PPP2R5E: variants seen among roughly 807,000 people sequenced by gnomAD.
The protein encoded by PPP2R5E is protein phosphatase 2 regulatory subunit B'epsilon, also known as serine/threonine-protein phosphatase 2A 56 kDa regulatory subunit epsilon isoform.
Under a neutral mutation model 65.3 loss-of-function variants are expected in PPP2R5E, and 4 were observed. That is an observed-to-expected ratio of 0.06 (90% CI 0.03 to 0.14). PPP2R5E has a LOEUF of 0.14. PPP2R5E is among the 10% of genes least tolerant of loss of function. The pLI is 1.00. For missense variants in PPP2R5E, 274 were observed against 556.1 expected, an observed-to-expected ratio of 0.49 and a Z score of 5.10; for synonymous variants, 183 against 187.4, an observed-to-expected ratio of 0.98 and a Z score of 0.19.
At chr14:63,405,410 A>T (rs1173837281) in intron 5 of PPP2R5E, among the ~76,000 whole-genome samples, 2 of 152,208 alleles carry the variant, frequency 1.3e-5, no homozygotes, top group Admixed American at 6.5e-5. Flanking sequence ...TTGAGTTTTT[A>T]AAAACACAAT....
chr14:63,397,557 A>G (rs567095382), intron 5 of PPP2R5E, among the ~76,000 whole-genome samples: 1 of 150,842 alleles, frequency 6.6e-6, no homozygotes, highest in East Asian at 1.9e-4. Context: ...CTACTAGAAC[A>G]TCTAGGAAAA....
chr14:63,428,990 A>G (rs1186843135), intron 3 of PPP2R5E, among the ~76,000 whole-genome samples: 4 of 152,174 alleles, frequency 2.6e-5, no homozygotes, highest in Non-Finnish European at 4.4e-5. Context: ...AATATCTGCC[A>G]ATATTAACAA....
At chr14:63,409,767 G>A (rs971524535) in intron 5 of PPP2R5E, among the ~76,000 whole-genome samples, 2 of 152,218 alleles carry the variant, frequency 1.3e-5, no homozygotes, top group Non-Finnish European at 2.9e-5. Context: ...TTTGACAACT[G>A]TCGATTTTGA....
chr14:63,414,828 A>G (rs1159141884), intron 5 of PPP2R5E, among the ~76,000 whole-genome samples: 1 of 152,220 alleles, frequency 6.6e-6, no homozygotes, highest in Non-Finnish European at 1.5e-5. Context: ...TTTAAGCTAT[A>G]TAACGATTCC....
intron 5 of PPP2R5E, among the ~76,000 whole-genome samples, chr14:63,399,289 G>A (rs1323762438): frequency 2.0e-5 from 3 of 147,598 alleles, no homozygotes; most frequent in East Asian, 4.0e-4. Flanking sequence ...CCATTTATGT[G>A]AAATAAGCAG....
chr14:63,408,047 T>C (rs1886187470), intron 5 of PPP2R5E, among the ~76,000 whole-genome samples: 1 of 152,162 alleles, frequency 6.6e-6, no homozygotes, highest in African/African-American at 2.4e-5. Context: ...TTCCCTAAAA[T>C]AACAGATACA....
chr14:63,423,942 T>C (rs1175864399), intron 3 of PPP2R5E, among the ~76,000 whole-genome samples: 2 of 152,074 alleles, frequency 1.3e-5, no homozygotes, highest in African/African-American at 4.8e-5. Flanking sequence ...TTTAGTGCAA[T>C]GAGAGGCCAT....
At chr14:63,540,355 T>C (rs1402936456) in intron 1 of PPP2R5E, among the ~76,000 whole-genome samples, 7 of 136,216 alleles carry the variant, frequency 5.1e-5, no homozygotes, top group Admixed American at 8.1e-5. Context: ...CGCTTGAACC[T>C]GGGAGGCGGA....
At chr14:63,430,261 C>T (rs903695997) in intron 3 of PPP2R5E, among the ~76,000 whole-genome samples, 33 of 152,072 alleles carry the variant, frequency 2.2e-4, no homozygotes, top group African/African-American at 7.7e-4. Context: ...CGCCTGTAAT[C>T]CCAGCACTTT....
intron 11 of PPP2R5E, among the ~76,000 whole-genome samples, chr14:63,386,268 A>G (rs1884658319): frequency 6.6e-6 from 1 of 152,122 alleles, no homozygotes; most frequent in Non-Finnish European, 1.5e-5. Flanking sequence ...CATGTTCACT[A>G]TATGCCAGGC....
At chr14:63,415,316 A>T in intron 4 of PPP2R5E, 84 bp from the exon 5 acceptor site, 1 of 894,222 alleles carries the variant, frequency 1.1e-6, no homozygotes, top group Non-Finnish European at 1.7e-6. Flanking sequence ...GTAACACTAA[A>T]AGTGACAGGG....
chr14:63,488,074 A>G (rs1021081567), intron 2 of PPP2R5E, among the ~76,000 whole-genome samples: 5 of 152,148 alleles, frequency 3.3e-5, no homozygotes, highest in Non-Finnish European at 7.3e-5. Flanking sequence ...ATTCGCTCTC[A>G]TGTTTTTGCT....
chr14:63,390,562 C>T (rs547109382), intron 10 of PPP2R5E, among the ~76,000 whole-genome samples: 8 of 152,116 alleles, frequency 5.3e-5, no homozygotes, highest in African/African-American at 1.4e-4. Context: ...AATAACAATG[C>T]CTTCATATTT....
intron 2 of PPP2R5E, among the ~76,000 whole-genome samples, chr14:63,462,135 A>C (rs1889512251): frequency 6.6e-6 from 1 of 150,792 alleles, no homozygotes; most frequent in Non-Finnish European, 1.5e-5. Context: ...CAGTGGTGCA[A>C]TCTCGGCTCA....
intron 13 of PPP2R5E, among the ~76,000 whole-genome samples, chr14:63,380,441 T>G (rs1378827948): frequency 6.6e-6 from 1 of 151,970 alleles, no homozygotes; most frequent in Non-Finnish European, 1.5e-5. Flanking sequence ...GGCAGGTGGA[T>G]CATGAGGTCA....
chr14:63,415,305 T>A (rs2139862232), intron 4 of PPP2R5E, 73 bp from the exon 5 acceptor site: 4 of 1,043,866 alleles, frequency 3.8e-6, no homozygotes, highest in Non-Finnish European at 5.6e-6. Context: ...ACCAAAAGCC[T>A]GTAACACTAA....
At chr14:63,476,528 A>C (rs1220304600) in intron 2 of PPP2R5E, among the ~76,000 whole-genome samples, 1 of 152,176 alleles carries the variant, frequency 6.6e-6, no homozygotes, top group Non-Finnish European at 1.5e-5. Context: ...TCCTTTAATA[A>C]GGAGGCTTCA....
intron 4 of PPP2R5E, among the ~76,000 whole-genome samples, chr14:63,421,750 TAAG>T (rs1313960751): frequency 6.6e-6 from 1 of 152,112 alleles, no homozygotes; most frequent in Non-Finnish European, 1.5e-5. Flanking sequence ...AATAGAGAAA[TAAG>T]AACTGCTGGC....
chr14:63,510,529 T>C (rs891945521), intron 2 of PPP2R5E, among the ~76,000 whole-genome samples: 2 of 152,220 alleles, frequency 1.3e-5, no homozygotes, highest in East Asian at 1.9e-4. Context: ...TAGTGTATCA[T>C]TGACAGCCTC....
Sources: allele counts gnomAD v4.1 joint callset (sites outside exome capture counted in the v4.1 genomes callset), GRCh38; gene constraint gnomAD v4.1.1; transcripts MANE v1.5; gene names NCBI Gene and HGNC (gene_info 2026-07-23, HGNC 2026-07-21).